Variants in CLDN10 observed in about 807,000 individuals in gnomAD.
CLDN10 encodes claudin-10.
CLDN10 carries 15 observed loss-of-function variants against 22.9 expected under a neutral mutation model. The ratio of observed to expected loss-of-function variants is 0.65; its 90% CI spans 0.44 to 1.01. The LOEUF (loss-of-function observed/expected upper bound fraction) is 1.01. CLDN10 is among the 50% of genes least tolerant of loss of function. The pLI is 0.00. For missense variants in CLDN10, 247 were observed against 287.8 expected (o/e 0.86, Z 1.03); for synonymous variants, 114 against 111.4 (o/e 1.02, Z -0.15).
intron 1 of CLDN10, among the ~76,000 whole-genome samples, chr13:95,492,523 C>T (rs979614614): frequency 5.3e-5 from 8 of 152,144 alleles, no homozygotes; most frequent in Non-Finnish European, 1.2e-4. Context: ...GTGCCTCCCC[C>T]AACAGCCTCG....
chr13:95,515,243 C>T (rs917732857), intron 1 of CLDN10, among the ~76,000 whole-genome samples: 1 of 151,992 alleles, frequency 6.6e-6, no homozygotes, highest in Non-Finnish European at 1.5e-5. Flanking sequence ...CTCTCACCCA[C>T]GATGGAATGC....
intron 1 of CLDN10, among the ~76,000 whole-genome samples, chr13:95,480,188 C>T (rs1051643390): frequency 1.3e-5 from 2 of 150,290 alleles, no homozygotes; most frequent in African/African-American, 2.5e-5. Context: ...TGGGAATGAC[C>T]CGCCCCCATG....
intron 1 of CLDN10, among the ~76,000 whole-genome samples, chr13:95,495,226 G>A (rs959249720): frequency 6.6e-6 from 1 of 151,484 alleles, no homozygotes; most frequent in African/African-American, 2.4e-5. Context: ...TTGTAGTGAC[G>A]GGGTTTCATC....
intron 1 of CLDN10, among the ~76,000 whole-genome samples, chr13:95,504,395 T>G (rs773533082): frequency 1.6e-4 from 25 of 152,204 alleles, no homozygotes; most frequent in Non-Finnish European, 3.2e-4. Flanking sequence ...TATTTTATTT[T>G]TTTGAGACAG....
At chr13:95,572,322 T>C (rs2043874030) in intron 3 of CLDN10, among the ~76,000 whole-genome samples, 1 of 152,182 alleles carries the variant, frequency 6.6e-6, no homozygotes, top group Non-Finnish European at 1.5e-5. Flanking sequence ...AAAGTGTACA[T>C]AAAAGGATGA....
chr13:95,501,996 T>A (rs2042990626), intron 1 of CLDN10, among the ~76,000 whole-genome samples: 1 of 152,242 alleles, frequency 6.6e-6, no homozygotes, highest in African/African-American at 2.4e-5. Context: ...ACCCTTAACT[T>A]ATCAGGGTCT....
chr13:95,494,005 C>T (rs1267648490), intron 1 of CLDN10, among the ~76,000 whole-genome samples: 1 of 152,148 alleles, frequency 6.6e-6, no homozygotes, highest in Non-Finnish European at 1.5e-5. Context: ...TACTATGTGT[C>T]TCTAAAAGAT....
intron 1 of CLDN10, among the ~76,000 whole-genome samples, chr13:95,525,890 C>T (rs1351993983): frequency 1.3e-5 from 2 of 152,000 alleles, no homozygotes; most frequent in African/African-American, 2.4e-5. Context: ...TAGCTTTGTG[C>T]GCCTGTACTT....
intron 1 of CLDN10, among the ~76,000 whole-genome samples, chr13:95,557,139 G>T (rs1240431762): frequency 6.6e-6 from 1 of 152,206 alleles, no homozygotes; most frequent in African/African-American, 2.4e-5. Flanking sequence ...TCTCCCAGGA[G>T]AACTAACTAT....
In CLDN10 at chr13:95,544,922, G is replaced by A. The variant is rs553717129; in HGVS notation, c.215-15210G>A. ...CTCCCGAGTAGCTGGGATTACAGGT[G>A]TGTGCCACCACACCCAGCTAGTTTT... On this transcript the variant is annotated intron_variant, in intron 1 of 4. Transcript: ENST00000376873. 1.1e-4 allele frequency among the ~76,000 whole-genome samples: 16 copies of A among 151,868 alleles called. No homozygotes were observed. The East Asian group carries it at 2.2e-3, about 21-fold the overall frequency.
chr13:95,501,986 A>G (rs185181645), intron 1 of CLDN10, among the ~76,000 whole-genome samples: 10 of 152,302 alleles, frequency 6.6e-5, no homozygotes, highest in African/African-American at 2.4e-4. Flanking sequence ...TACAATTTAC[A>G]CCCTTAACTT....
intron 1 of CLDN10, among the ~76,000 whole-genome samples, chr13:95,503,249 T>C (rs1475554227): frequency 5.3e-5 from 8 of 151,948 alleles, no homozygotes; most frequent in Non-Finnish European, 1.2e-4. Context: ...GCCACAAGAG[T>C]GAATGTGTTT....
chr13:95,499,812 G>T (rs2138535491), intron 1 of CLDN10, among the ~76,000 whole-genome samples: 1 of 152,222 alleles, frequency 6.6e-6, no homozygotes, highest in East Asian at 1.9e-4. Flanking sequence ...CTAGAAAAAA[G>T]TTCCTTTATA....
At chr13:95,555,443 T>C (rs1022155372) in intron 1 of CLDN10, among the ~76,000 whole-genome samples, 4 of 152,228 alleles carry the variant, frequency 2.6e-5, no homozygotes, top group Admixed American at 2.0e-4. Flanking sequence ...TTTTTCTCTT[T>C]TGTGAATTGG....
chr13:95,486,148 GGCTTCTGTTGTGCCTT>G lies in CLDN10; in HGVS notation c.214+52105_214+52120del, dbSNP rs545072549. On this transcript the variant is annotated intron_variant, in intron 1 of 4. Transcript: ENST00000376873. ...CAGAATCAGCTCGCAATGGATGCTA[GGCTTCTGTTGTGCCTT>G]GCTGCCTATCTGTGATGAATAAAGT... is the stretch of plus-strand genomic sequence containing the variant. Among the ~76,000 whole-genome samples, 61 of 152,262 alleles carry G rather than the reference GGCTTCTGTTGTGCCTT, an allele frequency of 4.0e-4. No homozygotes were observed. In the East Asian group the frequency reaches 0.011, roughly 28 times the overall value.
At chr13:95,568,075 G>A (rs2043808151) in intron 3 of CLDN10, among the ~76,000 whole-genome samples, 1 of 152,136 alleles carries the variant, frequency 6.6e-6, no homozygotes, top group Non-Finnish European at 1.5e-5. Flanking sequence ...ACCTCATCAG[G>A]TGACCTTGTC....
In CLDN10 at chr13:95,552,981, T is replaced by A; in HGVS notation, c.220+8T>A. On this transcript the variant is annotated splice_region_variant and intron_variant, in intron 1 of 4. Coordinates refer to ENST00000299339, the MANE Select transcript of CLDN10 (RefSeq NM_006984.5). ...CCATGCTGGCGCTGGACGGTCTGCA[T>A]CCCCGCGGCCCCCGCCCTCAGCCCT... 6.2e-7 allele frequency: 1 copy of A among 1,613,286 alleles called. No individual in the cohort carries two copies. The highest frequency in any genetic ancestry group is 1.3e-5 in the African/African-American group (1 of 75,042).
chr13:95,480,663 C>CA (rs2042737253), intron 1 of CLDN10, among the ~76,000 whole-genome samples: 1 of 152,172 alleles, frequency 6.6e-6, no homozygotes, highest in Admixed American at 6.5e-5. Flanking sequence ...GCTCCACCCT[C>CA]AAAAATTCTG....
chr13:95,467,977 C>T (rs2042596140), intron 1 of CLDN10, among the ~76,000 whole-genome samples: 1 of 152,202 alleles, frequency 6.6e-6, no homozygotes, highest in African/African-American at 2.4e-5. Context: ...AGGCCTTCAA[C>T]TGTAGGATGA....
Sources: gnomAD v4.1 joint callset for allele counts (sites outside exome capture counted in the v4.1 genomes callset) on GRCh38, gnomAD v4.1.1 for gene constraint, MANE v1.5 for transcripts, NCBI Gene and HGNC (gene_info 2026-07-23, HGNC 2026-07-21) for gene names.